The following USP24 variants were observed in gnomAD, a reference collection of about 807,000 sequenced individuals.
USP24 encodes the protein ubiquitin carboxyl-terminal hydrolase 24.
Under a neutral mutation model 361.6 loss-of-function variants are expected in USP24, and 97 were observed. The ratio of observed to expected loss-of-function variants is 0.27; its 90% CI spans 0.23 to 0.32. The LOEUF is 0.32. USP24 is among the 10% of genes least tolerant of loss of function. The pLI is 1.00. For missense variants in USP24, 2,353 were observed against 3,165.6 expected (o/e 0.74, Z 6.16); for synonymous variants, 1,098 against 1,124.6 (o/e 0.98, Z 0.47).
intron 54 of USP24, among the ~76,000 whole-genome samples, chr1:55,091,609 A>G (rs760336280): frequency 2.0e-5 from 3 of 152,150 alleles, no homozygotes; most frequent in South Asian, 2.1e-4. Context: ...CACACGTCCT[A>G]CTAAAACACA....
At chr1:55,171,747 G>T in intron 4 of USP24, 69 bp from the exon 5 acceptor site, 1 of 1,496,886 alleles carries the variant, frequency 6.7e-7, no homozygotes, top group Non-Finnish European at 9.0e-7. Context: ...CATTAGAAAA[G>T]AAGATAAAAA....
chr1:55,148,868 T>C (rs916777386), intron 16 of USP24, among the ~76,000 whole-genome samples: 3 of 152,164 alleles, frequency 2.0e-5, no homozygotes, highest in Non-Finnish European at 2.9e-5. Flanking sequence ...CTTCAGAGGA[T>C]AGATTAAGTA....
intron 24 of USP24, among the ~76,000 whole-genome samples, chr1:55,140,581 AAAG>A (rs1460068323): frequency 1.3e-5 from 2 of 152,220 alleles, no homozygotes; most frequent in East Asian, 3.8e-4. Context: ...TCATTTTAAA[AAAG>A]AAGAATGGAA....
intron 29 of USP24, 65 bp from the exon 30 acceptor site, chr1:55,134,228 T>G: frequency 6.4e-7 from 1 of 1,565,974 alleles, no homozygotes; most frequent in Non-Finnish European, 8.7e-7. Context: ...AGTCCATTAG[T>G]ATGGAATATA....
At chr1:55,201,730 G>A (rs751491239) in intron 1 of USP24, among the ~76,000 whole-genome samples, 13 of 151,638 alleles carry the variant, frequency 8.6e-5, no homozygotes, top group East Asian at 5.8e-4. Flanking sequence ...AAGAAGGGAC[G>A]TTTAACTAGG....
At chr1:55,194,687 C>T (rs1409033437) in intron 1 of USP24, among the ~76,000 whole-genome samples, 2 of 152,126 alleles carry the variant, frequency 1.3e-5, no homozygotes, top group African/African-American at 4.8e-5. Flanking sequence ...CTCTCTCTCT[C>T]TATGCTAGAC....
intron 1 of USP24, among the ~76,000 whole-genome samples, chr1:55,214,558 C>G (rs1256043858): frequency 6.6e-6 from 1 of 152,084 alleles, no homozygotes; most frequent in Admixed American, 6.5e-5. Flanking sequence ...CTGCGCATCC[C>G]TAATTCCCTT....
rs770468899 is a variant in USP24, at chr1:55,086,059, G to T, written c.6669-21C>A. The T allele has an allele frequency of 6.8e-6, 11 of 1,609,244 alleles. No individual in the cohort carries two copies. In the South Asian group the frequency reaches 1.2e-4, roughly 18 times the overall value. ...AAATCCTGAAAGAAAGAGAAAGGTG[G>T]TGTGAAAAAGCAAGATACATTTCCA... On this transcript the variant is annotated intron_variant, in intron 55 of 67. Coordinates refer to ENST00000294383, the MANE Select transcript of USP24 (RefSeq NM_015306.3).
At chr1:55,211,821 TTC>T (rs1644852654) in intron 1 of USP24, among the ~76,000 whole-genome samples, 1 of 152,254 alleles carries the variant, frequency 6.6e-6, no homozygotes, top group African/African-American at 2.4e-5. Flanking sequence ...TTAGATTTTA[TTC>T]TGTTTTTCCC....
At chr1:55,121,583 A>G in intron 36 of USP24, 77 bp from the exon 37 acceptor site, 1 of 1,235,038 alleles carries the variant, frequency 8.1e-7, no homozygotes, top group South Asian at 1.4e-5. Flanking sequence ...TTAATTTCTT[A>G]AGCTCAACTT....
intron 7 of USP24, among the ~76,000 whole-genome samples, chr1:55,163,781 G>C (rs952636775): frequency 6.6e-6 from 1 of 152,010 alleles, no homozygotes; most frequent in African/African-American, 2.4e-5. Context: ...ACAAAATGAG[G>C]ACTGAAAATA....
intron 38 of USP24, among the ~76,000 whole-genome samples, chr1:55,112,764 T>C (rs1046072718): frequency 6.6e-6 from 1 of 152,216 alleles, no homozygotes; most frequent in African/African-American, 2.4e-5. Flanking sequence ...GAGAGTTCTG[T>C]AGATGTCTAT....
intron 10 of USP24, among the ~76,000 whole-genome samples, chr1:55,158,441 T>C (rs912094711): frequency 2.6e-5 from 4 of 152,348 alleles, no homozygotes; most frequent in South Asian, 2.1e-4. Flanking sequence ...TCTGTGGATA[T>C]GATAACAAAT....
chr1:55,175,117 T>TTA (rs754977008), intron 3 of USP24, among the ~76,000 whole-genome samples: 54 of 151,728 alleles, frequency 3.6e-4, no homozygotes, highest in Non-Finnish European at 5.9e-4. Flanking sequence ...CTAAAATTAA[T>TTA]TATATATATA....
intron 25 of USP24, 24 bp from the exon 26 acceptor site, chr1:55,138,742 C>A: frequency 2.0e-6 from 3 of 1,532,244 alleles, no homozygotes; most frequent in South Asian, 2.3e-5. Context: ...TAAGTCAAGT[C>A]AGATGGACAG....
intron 56 of USP24, among the ~76,000 whole-genome samples, chr1:55,085,569 G>C (rs1570364520): frequency 6.6e-6 from 1 of 152,186 alleles, no homozygotes; most frequent in Non-Finnish European, 1.5e-5. Flanking sequence ...AGCTTATGAG[G>C]AAAAAGACAA....
At chr1:55,144,253 TAATC>T (rs1646970094) in intron 20 of USP24, 50 bp from the exon 21 acceptor site, 1 of 1,273,056 alleles carries the variant, frequency 7.9e-7, no homozygotes, top group Admixed American at 2.6e-5. Context: ...GTAACACAGA[TAATC>T]AATGAAAAGA....
intron 19 of USP24, 64 bp from the exon 20 acceptor site, chr1:55,146,173 A>G: frequency 8.5e-7 from 1 of 1,173,786 alleles, no homozygotes; most frequent in East Asian, 2.4e-5. Flanking sequence ...CATATTCCAA[A>G]CTGGAAAAGT....
intron 47 of USP24, 91 bp downstream of exon 47, chr1:55,097,852 G>A: frequency 6.6e-7 from 1 of 1,519,910 alleles, no homozygotes; most frequent in Non-Finnish European, 8.8e-7. Flanking sequence ...GGAAATAACA[G>A]TAGGAGCTTA....
Sources: gnomAD v4.1 joint callset for allele counts (sites outside exome capture counted in the v4.1 genomes callset) on GRCh38, gnomAD v4.1.1 for gene constraint, MANE v1.5 for transcripts, NCBI Gene and HGNC (gene_info 2026-07-23, HGNC 2026-07-21) for gene names.